FARS2: variants seen among roughly 807,000 people sequenced by gnomAD.
FARS2 encodes the protein phenylalanine--tRNA ligase, mitochondrial.
In FARS2, 40 loss-of-function variants were observed where a neutral mutation model predicts 46.4. The observed-to-expected ratio is 0.86, with a 90% CI of 0.67 to 1.12. The LOEUF is 1.12. FARS2 is among the 50% of genes most tolerant of loss of function. The pLI, the probability that FARS2 is intolerant of heterozygous loss-of-function variation, is 0.00. For synonymous variants in FARS2, 234 were observed against 214.9 expected, an observed-to-expected ratio of 1.09 and a Z score of -0.78; for missense variants, 513 against 567.9, an observed-to-expected ratio of 0.90 and a Z score of 0.98.
chr6:5,600,311 T>C (rs890044258), intron 5 of FARS2, among the ~76,000 whole-genome samples: 1 of 152,232 alleles, frequency 6.6e-6, no homozygotes, highest in Non-Finnish European at 1.5e-5. Context: ...GTTTAGAACT[T>C]GATGAGTCTC....
At chr6:5,550,172 A>G (rs1025269360) in intron 5 of FARS2, among the ~76,000 whole-genome samples, 2 of 152,240 alleles carry the variant, frequency 1.3e-5, no homozygotes, top group African/African-American at 2.4e-5. Flanking sequence ...AGCTATTTCA[A>G]AATTCAGCCA....
At chr6:5,606,004 G>A (rs1455450459) in intron 5 of FARS2, among the ~76,000 whole-genome samples, 1 of 152,112 alleles carries the variant, frequency 6.6e-6, no homozygotes, top group African/African-American at 2.4e-5. Context: ...CCAGAATGCA[G>A]CACAGACACA....
At chr6:5,574,382 C>T (rs938362012) in intron 5 of FARS2, among the ~76,000 whole-genome samples, 2 of 152,130 alleles carry the variant, frequency 1.3e-5, no homozygotes, top group Non-Finnish European at 2.9e-5. Context: ...CCTCGGCCTC[C>T]CAAAGTGCTG....
At chr6:5,766,196 G>T (rs936084835) in intron 6 of FARS2, among the ~76,000 whole-genome samples, 1 of 152,236 alleles carries the variant, frequency 6.6e-6, no homozygotes, top group Non-Finnish European at 1.5e-5. Flanking sequence ...AGTCAGTGCA[G>T]CCTGTTCTGT....
chr6:5,391,121 G>A (rs183651694), intron 2 of FARS2, among the ~76,000 whole-genome samples: 238 of 152,312 alleles, frequency 1.6e-3, no homozygotes, highest in Non-Finnish European at 2.7e-3. Context: ...TTTATGTCCA[G>A]TTCTAAATCC....
intron 6 of FARS2, among the ~76,000 whole-genome samples, chr6:5,743,805 G>C (rs942722057): frequency 1.3e-5 from 2 of 152,198 alleles, no homozygotes; most frequent in African/African-American, 4.8e-5. Flanking sequence ...TCTCCTTGGA[G>C]GAAGTTAAAA....
At chr6:5,731,395 G>A (rs1477266075) in intron 6 of FARS2, among the ~76,000 whole-genome samples, 1 of 151,612 alleles carries the variant, frequency 6.6e-6, no homozygotes, top group Non-Finnish European at 1.5e-5. Flanking sequence ...TGTCTCCTTG[G>A]TCCCCTCAGA....
chr6:5,315,626 C>A (rs1437731397), intron 1 of FARS2, among the ~76,000 whole-genome samples: 1 of 152,026 alleles, frequency 6.6e-6, no homozygotes, highest in Non-Finnish European at 1.5e-5. Flanking sequence ...TGAAAAACAG[C>A]AAGTTTTTCC....
At chr6:5,718,399 A>G (rs1296950488) in intron 6 of FARS2, among the ~76,000 whole-genome samples, 1 of 152,228 alleles carries the variant, frequency 6.6e-6, no homozygotes, top group Non-Finnish European at 1.5e-5. Flanking sequence ...GAGTAAATGA[A>G]TCAGGTACTT....
chr6:5,666,118 T>G (rs569660636), intron 6 of FARS2, among the ~76,000 whole-genome samples: 1 of 152,228 alleles, frequency 6.6e-6, no homozygotes, highest in Non-Finnish European at 1.5e-5. Flanking sequence ...TATTGGTTCA[T>G]TGAACTCAAC....
chr6:5,676,710 G>A (rs1778787116), intron 6 of FARS2, among the ~76,000 whole-genome samples: 1 of 152,186 alleles, frequency 6.6e-6, no homozygotes. Flanking sequence ...TCTATTGAAT[G>A]CTCCCAAACT....
intron 4 of FARS2, among the ~76,000 whole-genome samples, chr6:5,510,721 G>A (rs1181983099): frequency 6.6e-6 from 1 of 152,212 alleles, no homozygotes; most frequent in Admixed American, 6.5e-5. Context: ...GACCCCATAT[G>A]TAGTAGAACG....
intron 6 of FARS2, among the ~76,000 whole-genome samples, chr6:5,706,149 C>T (rs1327725780): frequency 2.0e-5 from 3 of 152,142 alleles, no homozygotes; most frequent in Non-Finnish European, 4.4e-5. Context: ...CTAGATCCCT[C>T]GCCTGCGCAG....
intron 4 of FARS2, among the ~76,000 whole-genome samples, chr6:5,436,867 C>T (rs1332522093): frequency 6.6e-6 from 1 of 152,166 alleles, no homozygotes; most frequent in African/African-American, 2.4e-5. Context: ...TTTGAAAACC[C>T]TATCTATAGC....
intron 5 of FARS2, among the ~76,000 whole-genome samples, chr6:5,612,942 G>T (rs1001828487): frequency 3.3e-5 from 5 of 152,014 alleles, no homozygotes; most frequent in Non-Finnish European, 7.4e-5. Context: ...TATAATATAT[G>T]GTAATGTTAC....
intron 1 of FARS2, chr6:5,272,285 AC>A (rs1403545927): frequency 1.3e-5 from 2 of 152,056 alleles, no homozygotes; most frequent in East Asian, 3.8e-4. Context: ...CTTTTTCATA[AC>A]TTTTATTACG....
chr6:5,736,046 C>T (rs919651684), intron 6 of FARS2, among the ~76,000 whole-genome samples: 9 of 152,220 alleles, frequency 5.9e-5, no homozygotes, highest in East Asian at 3.8e-4. Flanking sequence ...CGATTTCTCA[C>T]GGGGTTGCAG....
chr6:5,419,071 C>G (rs1762401617), intron 3 of FARS2, among the ~76,000 whole-genome samples: 1 of 152,072 alleles, frequency 6.6e-6, no homozygotes, highest in South Asian at 2.1e-4. Flanking sequence ...TCTCTCTCAT[C>G]ACTTACTCTC....
At chr6:5,573,646 T>C (rs536882121) in intron 5 of FARS2, among the ~76,000 whole-genome samples, 1 of 152,336 alleles carries the variant, frequency 6.6e-6, no homozygotes, top group Non-Finnish European at 1.5e-5. Flanking sequence ...CTACACCCCT[T>C]TACCTTATTG....
Sources: allele counts gnomAD v4.1 joint callset (sites outside exome capture counted in the v4.1 genomes callset), GRCh38; gene constraint gnomAD v4.1.1; transcripts MANE v1.5; gene names NCBI Gene and HGNC (gene_info 2026-07-23, HGNC 2026-07-21).